SNX24: variants seen among roughly 807,000 people sequenced by gnomAD.
SNX24 encodes the protein sorting nexin-24.
SNX24 carries 22 observed loss-of-function variants against 28.7 expected under a neutral mutation model. The observed-to-expected ratio is 0.77, with a 90% CI of 0.55 to 1.10. The LOEUF (loss-of-function observed/expected upper bound fraction) is 1.10, where lower values mean the gene tolerates loss of function less well. Among genes scored for constraint, SNX24 ranks in the 50% least tolerant of loss-of-function variants. SNX24 has a pLI of 0.00. For missense variants in SNX24, 221 were observed against 201.1 expected (o/e 1.10, Z -0.60); for synonymous variants, 69 against 71.5 (o/e 0.96, Z 0.18).
intron 1 of SNX24, among the ~76,000 whole-genome samples, chr5:122,878,074 C>CAGT (rs1756311500): frequency 1.3e-5 from 2 of 152,054 alleles, no homozygotes; most frequent in Non-Finnish European, 2.9e-5. Context: ...TGGGAGGGTC[C>CAGT]AGTACAGCTG....
At chr5:122,942,906 A>G (rs1461690815) in intron 2 of SNX24, among the ~76,000 whole-genome samples, 3 of 152,216 alleles carry the variant, frequency 2.0e-5, no homozygotes, top group Non-Finnish European at 4.4e-5. Context: ...CTCCTGACAT[A>G]AATAAAAAAG....
At chr5:122,919,751 CAGG>C (rs1452663253) in intron 1 of SNX24, among the ~76,000 whole-genome samples, 1 of 152,098 alleles carries the variant, frequency 6.6e-6, no homozygotes, top group African/African-American at 2.4e-5. Flanking sequence ...CACAGTAAGC[CAGG>C]AGACAGGCCA....
chr5:123,027,364 A>G (rs1762874953), intron 5 of SNX24, among the ~76,000 whole-genome samples: 1 of 152,206 alleles, frequency 6.6e-6, no homozygotes, highest in South Asian at 2.1e-4. Flanking sequence ...TTAATGCAAG[A>G]TGCACACTGG....
intron 1 of SNX24, among the ~76,000 whole-genome samples, chr5:122,847,955 G>A (rs1016292348): frequency 6.6e-6 from 1 of 151,888 alleles, no homozygotes; most frequent in Non-Finnish European, 1.5e-5. Flanking sequence ...TGGGTGTAGG[G>A]AATATAGCAG....
In SNX24 at chr5:122,845,958, C is replaced by G. The variant is rs1754611005; in HGVS notation, c.60+265C>G. 3.3e-5 allele frequency among the ~76,000 whole-genome samples: 5 copies of G among 152,170 alleles called. No individual in the cohort carries two copies. The South Asian group carries it at 1.0e-3, about 31-fold the overall frequency. On this transcript the variant is annotated intron_variant, in intron 1 of 6. Transcript: ENST00000261369. ...CGAGCTGCAGTCCTCGGACGCGGCA[C>G]TAGCCATTCTCCCCGCCGCCCGCCT...
At chr5:122,891,550 A>G (rs949486513) in intron 1 of SNX24, among the ~76,000 whole-genome samples, 7 of 152,146 alleles carry the variant, frequency 4.6e-5, no homozygotes, top group Non-Finnish European at 1.0e-4. Flanking sequence ...TATAAGTATT[A>G]TAAGTCTTAC....
chr5:122,869,259 A>G (rs988926899), intron 1 of SNX24, among the ~76,000 whole-genome samples: 58 of 152,184 alleles, frequency 3.8e-4, no homozygotes, highest in African/African-American at 1.3e-3. Flanking sequence ...CTTTAAATGT[A>G]GCTGTTTATG....
chr5:122,984,337 AG>A (rs1761507260), intron 3 of SNX24, among the ~76,000 whole-genome samples: 1 of 152,224 alleles, frequency 6.6e-6, no homozygotes, highest in African/African-American at 2.4e-5. Flanking sequence ...TCAATCTATC[AG>A]ATTGATCCTT....
intron 1 of SNX24, among the ~76,000 whole-genome samples, chr5:122,894,664 C>T (rs1757123504): frequency 6.6e-6 from 1 of 152,158 alleles, no homozygotes. Flanking sequence ...ACTGCTAGGT[C>T]ATATGGTGAA....
chr5:122,863,437 G>A (rs1430491475), intron 1 of SNX24, among the ~76,000 whole-genome samples: 1 of 152,138 alleles, frequency 6.6e-6, no homozygotes, highest in Non-Finnish European at 1.5e-5. Context: ...ATATAGTGTG[G>A]TGGGGGAAAT....
chr5:122,853,693 G>T, intron 1 of SNX24: 1 of 403,514 alleles, frequency 2.5e-6, no homozygotes, highest in Non-Finnish European at 5.1e-6. Context: ...TTGCAGTGTT[G>T]CCCAGGCAGG....
chr5:122,876,490 C>T (rs184150387), intron 1 of SNX24, among the ~76,000 whole-genome samples: 2 of 152,296 alleles, frequency 1.3e-5, no homozygotes, highest in Admixed American at 6.5e-5. Flanking sequence ...TGTGATCTTA[C>T]TCTCAACAAA....
chr5:123,010,170 A>C (rs116717007), downstream of SNX24, among the ~76,000 whole-genome samples: 2,434 of 152,202 alleles, frequency 0.016, 58 homozygotes, highest in African/African-American at 0.041. Flanking sequence ...CTCCCACTCC[A>C]TAGCTCCCTT....
intron 1 of SNX24, among the ~76,000 whole-genome samples, chr5:122,870,431 G>A (rs924080410): frequency 8.5e-5 from 13 of 152,218 alleles, no homozygotes; most frequent in Admixed American, 3.3e-4. Flanking sequence ...CAGTGGGCCT[G>A]AGATGTCAGC....
At chr5:122,867,882 C>T (rs1468679221) in intron 1 of SNX24, among the ~76,000 whole-genome samples, 1 of 152,202 alleles carries the variant, frequency 6.6e-6, no homozygotes, top group Non-Finnish European at 1.5e-5. Context: ...ACCATCCATT[C>T]AGACCATTGG....
rs189034121 is a variant in SNX24, at chr5:122,869,822, A to G, written c.60+24129A>G. Among the ~76,000 whole-genome samples the G allele has an allele frequency of 2.6e-3, 391 of 152,286 alleles. 1 individual carries two copies. Among genetic ancestry groups the G allele is most frequent in the Middle Eastern group, 0.01 (3 of 290 alleles). On this transcript the variant is annotated intron_variant, in intron 1 of 6. Transcript: ENST00000261369. ...CAGAAATAATCTGAGATAGCATTGA[A>G]AAAAGCAGTAATGGACTAAGTCTTA...
intron 1 of SNX24, among the ~76,000 whole-genome samples, chr5:122,884,797 T>C (rs1325403879): frequency 1.3e-5 from 2 of 152,060 alleles, no homozygotes; most frequent in Non-Finnish European, 1.5e-5. Context: ...GCGTCTCAGC[T>C]TCTCTCTGTT....
chr5:123,013,505 G>A (rs1373112759), downstream of SNX24, among the ~76,000 whole-genome samples: 2 of 152,188 alleles, frequency 1.3e-5, no homozygotes, highest in Admixed American at 6.5e-5. Flanking sequence ...TGTCTGCAAC[G>A]TTTATGTTTT....
At chr5:122,865,161 A>G (rs536703784) in intron 1 of SNX24, among the ~76,000 whole-genome samples, 1 of 152,334 alleles carries the variant, frequency 6.6e-6, no homozygotes, top group East Asian at 1.9e-4. Context: ...GAAATGTTTG[A>G]CCAAATATCT....
Sources: gnomAD v4.1 joint callset for allele counts (sites outside exome capture counted in the v4.1 genomes callset) on GRCh38, gnomAD v4.1.1 for gene constraint, MANE v1.5 for transcripts, NCBI Gene and HGNC (gene_info 2026-07-23, HGNC 2026-07-21) for gene names.